Variants in TEX48 observed in about 807,000 individuals in gnomAD.
TEX48 encodes the protein testis expressed 48.
Under a neutral mutation model 13.2 loss-of-function variants are expected in TEX48, and 10 were observed. That is an observed-to-expected ratio of 0.75 (90% confidence interval 0.47 to 1.28). The LOEUF is 1.28. Among genes scored for constraint, TEX48 ranks in the 50% most tolerant of loss-of-function variants. The probability of loss-of-function intolerance (pLI) is 0.00; values close to 1 mark genes in which losing one functional copy is unlikely to be tolerated. For synonymous variants in TEX48, 45 were observed against 52.3 expected (o/e 0.86, Z 0.60); for missense variants, 116 against 139.4 (o/e 0.83, Z 0.84).
chr9:114,668,162 C>T (rs1285041968), intron 4 of TEX48, 44 bp downstream of exon 4: 1 of 1,533,758 alleles, frequency 6.5e-7, no homozygotes, highest in Non-Finnish European at 8.7e-7. Context: ...GGCTCCCTGT[C>T]TGGGAGTTTC....
intron 1 of TEX48, among the ~76,000 whole-genome samples, chr9:114,672,086 T>C (rs1827959853): frequency 6.6e-6 from 1 of 152,194 alleles, no homozygotes; most frequent in Non-Finnish European, 1.5e-5. Flanking sequence ...GACTCATATA[T>C]ATGAAAAGTA....
chr9:114,675,978 C>T (rs1471121601), intron 1 of TEX48, among the ~76,000 whole-genome samples: 1 of 152,202 alleles, frequency 6.6e-6, no homozygotes, highest in African/African-American at 2.4e-5. Context: ...AGGAGTCCCT[C>T]CCTTGTGCTC....
chr9:114,674,239 C>T (rs1354144229), intron 1 of TEX48, among the ~76,000 whole-genome samples: 2 of 152,186 alleles, frequency 1.3e-5, no homozygotes, highest in African/African-American at 4.8e-5. Context: ...TGTCCACCCA[C>T]AACCCTCATC....
chr9:114,667,697 G>A (rs1434898716), intron 4 of TEX48, among the ~76,000 whole-genome samples: 13 of 152,166 alleles, frequency 8.5e-5, no homozygotes, highest in African/African-American at 1.9e-4. Context: ...TCAGGAGTTC[G>A]TGACCAGCCT....
intron 4 of TEX48, among the ~76,000 whole-genome samples, chr9:114,667,171 G>A (rs1827856425): frequency 6.6e-6 from 1 of 152,184 alleles, no homozygotes. Flanking sequence ...TTCAAGCAGA[G>A]CTGTTCCTCT....
intron 1 of TEX48, among the ~76,000 whole-genome samples, chr9:114,678,501 T>A (rs1471421228): frequency 6.6e-6 from 1 of 152,236 alleles, no homozygotes; most frequent in African/African-American, 2.4e-5. Context: ...TTCAGGATTC[T>A]GTTCGTTACT....
chr9:114,676,899 A>G (rs1034838882), intron 1 of TEX48, among the ~76,000 whole-genome samples: 6 of 152,034 alleles, frequency 3.9e-5, no homozygotes, highest in African/African-American at 9.7e-5. Flanking sequence ...TCCAGGCGTG[A>G]GCCACCGCGC....
intron 4 of TEX48, among the ~76,000 whole-genome samples, chr9:114,667,939 A>G (rs1827872654): frequency 1.4e-5 from 2 of 147,914 alleles, no homozygotes; most frequent in Admixed American, 1.3e-4. Context: ...ATGATGCCAC[A>G]AAGCTTTGAA....
At chr9:114,676,577 G>T (rs1828071730) in intron 1 of TEX48, among the ~76,000 whole-genome samples, 2 of 151,796 alleles carry the variant, frequency 1.3e-5, no homozygotes, top group Admixed American at 1.3e-4. Flanking sequence ...ACAAGACACA[G>T]GATAGACAAA....
intron 3 of TEX48, 103 bp from the exon 4 acceptor site, chr9:114,668,440 G>A (rs1827882571): frequency 1.0e-5 from 10 of 963,822 alleles, no homozygotes; most frequent in African/African-American, 8.1e-5. Context: ...AGGCAAGTGG[G>A]GGTTATTATG....
At position 114,668,897 on chromosome 9, in the gene TEX48, T is replaced by G. The variant is rs1439110028; in HGVS notation, c.128-560A>C. 2.0e-5 allele frequency among the ~76,000 whole-genome samples: 3 copies of G among 151,814 alleles called. No individual in the cohort carries two copies. In the East Asian group the frequency reaches 5.8e-4, roughly 29 times the overall value. ...TGTTGCCCAGGCTGGAGTGCAATGG[T>G]GTGATCATAGCTCCCTGTAACCTCA... On this transcript the variant is annotated intron_variant, in intron 3 of 4. Coordinates refer to ENST00000436752, the MANE Select transcript of TEX48 (RefSeq NM_001199233.2).
At chr9:114,673,260 G>A (rs995025084) in intron 1 of TEX48, among the ~76,000 whole-genome samples, 1 of 152,038 alleles carries the variant, frequency 6.6e-6, no homozygotes, top group African/African-American at 2.4e-5. Flanking sequence ...ATCACCTGAG[G>A]TCAGGAGTTC....
At chr9:114,680,947 C>T (rs193007378) in intron 1 of TEX48, among the ~76,000 whole-genome samples, 1 of 152,208 alleles carries the variant, frequency 6.6e-6, no homozygotes, top group African/African-American at 2.4e-5. Flanking sequence ...GCCCCTTATG[C>T]ATCAGCCATG....
chr9:114,666,721 TC>T lies in TEX48; in HGVS notation c.284del (p.Arg95LysfsTer8). 1 of 1,534,488 alleles carries T rather than the reference TC, an allele frequency of 6.5e-7. No homozygotes were observed. The highest frequency in any genetic ancestry group is 8.7e-7 in the Non-Finnish European group (1 of 1,145,888). ...FEDLNAYASQ[R>X]NFYKRNLNRY... ...GGTTTAAGTTTCTCTTGTAAAAATT[TC>T]TTTGGGAAGCATATGCATTCAGATC... On this transcript the variant is annotated frameshift_variant, in exon 5 of 5. Transcript: ENST00000436752. LOFTEE classifies it high-confidence loss of function.
chr9:114,674,572 TTC>T (rs1828016642), intron 1 of TEX48, among the ~76,000 whole-genome samples: 1 of 80,080 alleles, frequency 1.2e-5, no homozygotes, highest in African/African-American at 9.4e-5. Context: ...TTTTTTTCTT[TTC>T]TTTCTTTTTT....
chr9:114,678,066 C>CA, intron 1 of TEX48, among the ~76,000 whole-genome samples: 1 of 151,982 alleles, frequency 6.6e-6, no homozygotes, highest in Admixed American at 6.6e-5. Context: ...GTTTTGATGT[C>CA]AAAAATCAGA....
At chr9:114,666,835 A>G (rs2133754447) in intron 4 of TEX48, 89 bp from the exon 5 acceptor site, 2 of 684,380 alleles carry the variant, frequency 2.9e-6, no homozygotes, top group Non-Finnish European at 5.0e-6. Context: ...TCCATTGCTG[A>G]TCATTCCTCA....
chr9:114,674,537 C>G lies in TEX48; in HGVS notation c.-104-2710G>C, dbSNP rs368939287. On this transcript the variant is annotated intron_variant, in intron 1 of 4. Coordinates refer to ENST00000436752, the MANE Select transcript of TEX48 (RefSeq NM_001199233.2). The stretch of plus-strand genomic sequence containing the variant: ...TTCAAACATTTTCTCTTTCTTTTTT[C>G]TTCTTTCTTTCTCTCTTTTTCTTCT... Among the ~76,000 whole-genome samples the G allele has an allele frequency of 2.5e-3, 377 of 150,034 alleles. 1 individual carries two copies. Among genetic ancestry groups the G allele is most frequent in the African/African-American group, 8.9e-3 (362 of 40,562 alleles).
At chr9:114,678,974 G>GA (rs1249837004) in intron 1 of TEX48, among the ~76,000 whole-genome samples, 1 of 151,796 alleles carries the variant, frequency 6.6e-6, no homozygotes, top group Non-Finnish European at 1.5e-5. Flanking sequence ...GAGAGGGTAA[G>GA]AAAAATAGGA....
Sources: allele counts gnomAD v4.1 joint callset (sites outside exome capture counted in the v4.1 genomes callset), GRCh38; gene constraint gnomAD v4.1.1; transcripts MANE v1.5; gene names NCBI Gene and HGNC (gene_info 2026-07-23, HGNC 2026-07-21).